Variants in FAT1 observed in about 807,000 individuals in gnomAD.
FAT1 encodes protocadherin Fat 1.
Under a neutral mutation model 329.8 loss-of-function variants are expected in FAT1, and 171 were observed. The ratio of observed to expected loss-of-function variants is 0.52; its 90% CI spans 0.46 to 0.59. The LOEUF (loss-of-function observed/expected upper bound fraction) is 0.59. Among genes scored for constraint, FAT1 ranks in the 20% least tolerant of loss-of-function variants. The probability of loss-of-function intolerance (pLI) is 0.00; values close to 1 mark genes in which losing one functional copy is unlikely to be tolerated. For synonymous variants in FAT1, 2,233 were observed against 2,228.6 expected (o/e 1.00, Z -0.06); for missense variants, 5,672 against 5,774.4 (o/e 0.98, Z 0.57).
chr4:186,654,771 CGTGGTG>C (rs1741824955), intron 3 of FAT1, among the ~76,000 whole-genome samples: 1 of 151,916 alleles, frequency 6.6e-6, no homozygotes, highest in Admixed American at 6.6e-5. Context: ...ACTAGCTGGT[CGTGGTG>C]GTGCAGGTCT....
At chr4:186,615,440 A>T (rs1248132607) in intron 11 of FAT1, among the ~76,000 whole-genome samples, 4 of 151,970 alleles carry the variant, frequency 2.6e-5, no homozygotes, top group Non-Finnish European at 4.4e-5. Context: ...CCTCTTCACA[A>T]TCACATTCCT....
chr4:186,616,794 A>T (rs187055920), intron 11 of FAT1, among the ~76,000 whole-genome samples: 1 of 152,314 alleles, frequency 6.6e-6, no homozygotes, highest in African/African-American at 2.4e-5. Flanking sequence ...TCCGTAATTT[A>T]GTTTTCTAGA....
At chr4:186,670,988 G>C (rs780288201) in intron 2 of FAT1, among the ~76,000 whole-genome samples, 1 of 152,088 alleles carries the variant, frequency 6.6e-6, no homozygotes, top group Admixed American at 6.5e-5. Context: ...TGTCAACAAC[G>C]TGAGAAGCTG....
rs192552478 is a variant in FAT1, at chr4:186,605,921, T to C, written c.10350+149A>G. The C allele has an allele frequency of 2.9e-5, 20 of 693,200 alleles. No individual in the cohort carries two copies. The Admixed American group carries it at 4.0e-4, about 14-fold the overall frequency. 42.9% of individuals were successfully genotyped at this position (693,200 alleles called of 1,614,324 possible). A position where few individuals can be genotyped will look rare whatever the true frequency, so the allele number is the denominator to read the frequency against. On this transcript the variant is annotated intron_variant, in intron 17 of 26. Transcript: ENST00000441802. ...AAGCTTGGCTTTATCTTTAAAATGC[T>C]CATCTTTTAATACTGATAGCGACTT...
At chr4:186,611,318 A>T (rs2126465722) in intron 14 of FAT1, 68 bp downstream of exon 14, 1 of 1,436,838 alleles carries the variant, frequency 7.0e-7, no homozygotes, top group Non-Finnish European at 9.4e-7. Flanking sequence ...ATACAAGGCA[A>T]CGTGGTTAAG....
chr4:186,717,900 A>C (rs1745289129), intron 1 of FAT1, among the ~76,000 whole-genome samples: 1 of 152,114 alleles, frequency 6.6e-6, no homozygotes, highest in South Asian at 2.1e-4. Context: ...ACTTTGCCCA[A>C]GGAGAAGCTC....
intron 1 of FAT1, among the ~76,000 whole-genome samples, chr4:186,720,546 C>A (rs1296403254): frequency 6.6e-6 from 1 of 152,204 alleles, no homozygotes; most frequent in African/African-American, 2.4e-5. Context: ...ACACTTCCCT[C>A]AGAACTCACA....
chr4:186,617,122 C>T lies in FAT1; in HGVS notation c.8958G>A (p.Arg2986=), dbSNP rs776012539. 9 of 1,613,626 alleles carry T rather than the reference C, an allele frequency of 5.6e-6. No individual in the cohort carries two copies. The Admixed American group carries it at 6.7e-5, about 12-fold the overall frequency. ...TAAGAAGGTAATTGTCCCTTTTTTC[C>T]CTGTCTAGAGGTTTCTTCACATATA... ...WKVYVKKPLD[R]EKRDNYLLTI... is the part of the protein sequence containing the mutation. Residue 2986 remains arginine (R), a synonymous_variant, in exon 11 of 27, where the codon AGG becomes AGA. Transcript: ENST00000441802.
In FAT1 at chr4:186,603,309, C is replaced by A. The variant is rs374604751; in HGVS notation, c.11217G>T (p.Ala3739=). The stretch of plus-strand genomic sequence containing the variant: ...AGAACTTCCAGGGGCAGTCCAGTCC[C>A]GCGCAGAGTTTCTGGAATACATTCA... ...RILNVFQKLC[A]GLDCPWKFCD... is the part of the protein sequence containing the mutation. Residue 3739 remains alanine, a synonymous_variant, in exon 19 of 27, where the codon GCG becomes GCT. Coordinates refer to ENST00000441802, the MANE Select transcript of FAT1 (RefSeq NM_005245.4). 1 of 1,613,958 alleles carries A rather than the reference C, an allele frequency of 6.2e-7. No homozygotes were observed. The highest frequency in any genetic ancestry group is 8.5e-7 in the Non-Finnish European group (1 of 1,179,878).
chr4:186,622,770 G>A (rs970411555), intron 9 of FAT1, among the ~76,000 whole-genome samples: 4 of 152,100 alleles, frequency 2.6e-5, no homozygotes, highest in East Asian at 1.9e-4. Context: ...ATCCATCCAC[G>A]AGCCCATCCT....
rs945259188 is a variant in FAT1, at chr4:186,604,993, C to T, written c.10351-419G>A. ...CAGCACTTTGGGAGGCTGAGGCGGG[C>T]GGATCACCTGAGGTCAGGAGTTCGA... On this transcript the variant is annotated intron_variant, in intron 17 of 26. Transcript: ENST00000441802. 1.3e-3 allele frequency among the ~76,000 whole-genome samples: 197 copies of T among 151,622 alleles called. 3 individuals carry two copies. Among genetic ancestry groups the T allele is most frequent in the Middle Eastern group, 3.4e-3 (1 of 294 alleles).
chr4:186,694,470 A>G (rs989110977), intron 2 of FAT1, among the ~76,000 whole-genome samples: 1 of 152,252 alleles, frequency 6.6e-6, no homozygotes, highest in Non-Finnish European at 1.5e-5. Flanking sequence ...TTGACAAAGA[A>G]CAAATGAGTT....
At chr4:186,699,695 A>G (rs201630971) in intron 2 of FAT1, among the ~76,000 whole-genome samples, 30,307 of 124,152 alleles carry the variant, frequency 0.24, 3,649 homozygotes, top group African/African-American at 0.43. Flanking sequence ...CTGCTGTTTG[A>G]AAAAAAAAAA....
At chr4:186,686,541 T>A (rs543867513) in intron 2 of FAT1, among the ~76,000 whole-genome samples, 91 of 152,352 alleles carry the variant, frequency 6.0e-4, no homozygotes, top group South Asian at 2.1e-3. Context: ...CTCATTTTAA[T>A]ATTTAATTAT....
At chr4:186,594,658 A>T (rs1331684281) in intron 26 of FAT1, among the ~76,000 whole-genome samples, 1 of 117,850 alleles carries the variant, frequency 8.5e-6, no homozygotes, top group East Asian at 2.5e-4. Context: ...GAGTGTGTAT[A>T]TATATATATA....
intron 26 of FAT1, 141 bp downstream of exon 26, chr4:186,595,548 G>A (rs1453873661): frequency 7.9e-5 from 69 of 876,428 alleles, no homozygotes; most frequent in Non-Finnish European, 2.4e-5. Context: ...ATGCAAGTAT[G>A]TATGGTATTG....
chr4:186,643,759 G>A (rs1324480723), intron 3 of FAT1, among the ~76,000 whole-genome samples: 6 of 151,446 alleles, frequency 4.0e-5, no homozygotes, highest in Non-Finnish European at 8.8e-5. Flanking sequence ...ACTCATTCAC[G>A]CCTCTGTGAG....
At position 186,619,306 on chromosome 4, in the gene FAT1, T is replaced by A. The variant is rs372188939; in HGVS notation, c.7280A>T (p.Tyr2427Phe). The change falls in exon 10 of 27, where the codon TAT becomes TTT. Residue 2427 changes from tyrosine to phenylalanine, a missense_variant. By Grantham distance (22) the Tyr-to-Phe change is conservative (BLOSUM62 3). Transcript: ENST00000441802. The stretch of plus-strand genomic sequence containing the variant: ...ATGATCATTGCCAGACAGAATGGAA[T>A]ACTGCAACTTGTCTATGTCTGAACT... Reference protein sequence around the residue: ...ADSSDIDKLQYSILSGNDHKH... With the variant: ...ADSSDIDKLQFSILSGNDHKH... 6.2e-7 allele frequency: 1 copy of A among 1,614,074 alleles called. No individual in the cohort carries two copies. Among genetic ancestry groups the A allele is most frequent in the Non-Finnish European group, 8.5e-7 (1 of 1,179,902 alleles).
intron 1 of FAT1, among the ~76,000 whole-genome samples, chr4:186,710,601 T>C (rs1744903703): frequency 6.6e-6 from 1 of 152,180 alleles, no homozygotes; most frequent in African/African-American, 2.4e-5. Flanking sequence ...AACAGCATTT[T>C]TCCTCTCTAA....
Sources: gnomAD v4.1 joint callset for allele counts (sites outside exome capture counted in the v4.1 genomes callset) on GRCh38, gnomAD v4.1.1 for gene constraint, MANE v1.5 for transcripts, NCBI Gene and HGNC (gene_info 2026-07-23, HGNC 2026-07-21) for gene names.